Variants in LINGO2 observed in about 807,000 individuals in gnomAD.
The protein encoded by LINGO2 is leucine-rich repeat and immunoglobulin-like domain-containing nogo receptor-interacting protein 2.
LINGO2 carries 14 observed loss-of-function variants against 30.6 expected under a neutral mutation model. The observed-to-expected ratio is 0.46, with a 90% confidence interval of 0.30 to 0.72. The LOEUF (loss-of-function observed/expected upper bound fraction) is 0.72, where lower values mean the gene tolerates loss of function less well. Among genes scored for constraint, LINGO2 ranks in the 30% least tolerant of loss-of-function variants. LINGO2 has a pLI of 0.07. For missense variants in LINGO2, 729 were observed against 751.7 expected, an observed-to-expected ratio of 0.97 and a Z score of 0.35; for synonymous variants, 317 against 288.5, an observed-to-expected ratio of 1.10 and a Z score of -1.00.
chr9:28,057,645 G>GTATATACATATATATACACATA (rs1175498306), intron 4 of LINGO2, among the ~76,000 whole-genome samples: 4 of 94,408 alleles, frequency 4.2e-5, no homozygotes, highest in East Asian at 2.1e-4. Flanking sequence ...ATATAAACCT[G>GTATATACATATATATACACATA]TTCAAGTAAA....
At chr9:28,263,861 A>G (rs1000293720) in intron 4 of LINGO2, among the ~76,000 whole-genome samples, 1 of 151,992 alleles carries the variant, frequency 6.6e-6, no homozygotes, top group Non-Finnish European at 1.5e-5. Flanking sequence ...TTCAAAGTTG[A>G]TATCACTCTT....
chr9:28,292,263 T>A (rs1339621712), intron 4 of LINGO2, among the ~76,000 whole-genome samples: 1 of 152,130 alleles, frequency 6.6e-6, no homozygotes, highest in East Asian at 1.9e-4. Flanking sequence ...TTTTCTCACT[T>A]TCTCTCTGCC....
intron 4 of LINGO2, among the ~76,000 whole-genome samples, chr9:28,197,448 A>G (rs1222636977): frequency 6.6e-6 from 1 of 151,992 alleles, no homozygotes; most frequent in Non-Finnish European, 1.5e-5. Context: ...TATAATAAAG[A>G]TGGCATTTCA....
chr9:28,577,319 C>G (rs1395088752), intron 1 of LINGO2, among the ~76,000 whole-genome samples: 2 of 152,066 alleles, frequency 1.3e-5, no homozygotes, highest in Non-Finnish European at 2.9e-5. Flanking sequence ...TTTTGCATTT[C>G]TGAAACCAGA....
intron 2 of LINGO2, among the ~76,000 whole-genome samples, chr9:28,452,865 A>G (rs1824702198): frequency 6.6e-6 from 1 of 151,860 alleles, no homozygotes; most frequent in African/African-American, 2.4e-5. Context: ...GAGAGCAGTA[A>G]GAGTTAACAC....
intron 1 of LINGO2, chr9:28,599,412 T>C (rs748294031): frequency 2.6e-5 from 4 of 152,180 alleles, no homozygotes; most frequent in African/African-American, 4.8e-5. Context: ...ATTAGATATT[T>C]AAGTAAATGC....
intron 3 of LINGO2, among the ~76,000 whole-genome samples, chr9:28,333,803 A>G (rs189065306): frequency 3.9e-5 from 6 of 152,298 alleles, no homozygotes; most frequent in Non-Finnish European, 7.4e-5. Flanking sequence ...ATTGCTCCAA[A>G]TGACTTAAAA....
chr9:29,207,015 A>G, the LINGO2 span, among the ~76,000 whole-genome samples: 1 of 150,116 alleles, frequency 6.7e-6, no homozygotes, highest in Non-Finnish European at 1.5e-5. Context: ...ATCAGGCTAT[A>G]TGTGTGTGTG....
At chr9:28,220,988 T>C (rs1298930570) in intron 4 of LINGO2, among the ~76,000 whole-genome samples, 1 of 152,166 alleles carries the variant, frequency 6.6e-6, no homozygotes, top group African/African-American at 2.4e-5. Context: ...TTAATGACAA[T>C]ATATTGCATT....
chr9:27,978,406 G>A (rs949148697), intron 5 of LINGO2, among the ~76,000 whole-genome samples: 2 of 152,054 alleles, frequency 1.3e-5, no homozygotes, highest in Non-Finnish European at 2.9e-5. Context: ...CCAAGGTGAT[G>A]GCATTTGGAG....
At chr9:28,008,306 C>T (rs1438877814) in intron 5 of LINGO2, among the ~76,000 whole-genome samples, 1 of 152,086 alleles carries the variant, frequency 6.6e-6, no homozygotes, top group Non-Finnish European at 1.5e-5. Flanking sequence ...TAAAAATATA[C>T]ATCTATTTAC....
chr9:28,021,678 G>T (rs1823131326), intron 4 of LINGO2, among the ~76,000 whole-genome samples: 1 of 151,976 alleles, frequency 6.6e-6, no homozygotes, highest in Non-Finnish European at 1.5e-5. Flanking sequence ...TTGTGGTTAG[G>T]TACACATACA....
the LINGO2 span, among the ~76,000 whole-genome samples, chr9:28,746,842 G>A: frequency 6.6e-6 from 1 of 152,006 alleles, no homozygotes; most frequent in Admixed American, 6.5e-5. Context: ...TAGTTCCCAT[G>A]ACCTCGGAAA....
the LINGO2 span, among the ~76,000 whole-genome samples, chr9:28,768,728 A>T: frequency 6.6e-6 from 1 of 151,752 alleles, no homozygotes; most frequent in Non-Finnish European, 1.5e-5. Flanking sequence ...ATGTCATCTC[A>T]TGAGTTTATA....
chr9:29,131,633 C>A, the LINGO2 span, among the ~76,000 whole-genome samples: 3 of 152,022 alleles, frequency 2.0e-5, no homozygotes, highest in African/African-American at 4.8e-5. Context: ...GCTAAAATTC[C>A]AAGTACCATT....
At chr9:27,987,504 AC>A (rs897542945) in intron 5 of LINGO2, among the ~76,000 whole-genome samples, 2 of 151,734 alleles carry the variant, frequency 1.3e-5, no homozygotes, top group East Asian at 3.9e-4. Flanking sequence ...TAAGTACTGT[AC>A]CCCCCAAACA....
chr9:28,120,848 T>C (rs1197312835), intron 4 of LINGO2, among the ~76,000 whole-genome samples: 1 of 152,156 alleles, frequency 6.6e-6, no homozygotes, highest in South Asian at 2.1e-4. Context: ...GTACCTTTTG[T>C]GGTATTGCTT....
At chr9:28,360,009 G>C (rs1242306615) in intron 3 of LINGO2, among the ~76,000 whole-genome samples, 1 of 152,066 alleles carries the variant, frequency 6.6e-6, no homozygotes, top group East Asian at 1.9e-4. Context: ...TAATCTCTTT[G>C]AGCTTCAGTA....
At chr9:29,032,207 A>G in the LINGO2 span, among the ~76,000 whole-genome samples, 3 of 152,208 alleles carry the variant, frequency 2.0e-5, no homozygotes, top group Non-Finnish European at 2.9e-5. Context: ...TGGCTTATTT[A>G]AAGTTATCAG....
Sources: gnomAD v4.1 joint callset for allele counts (sites outside exome capture counted in the v4.1 genomes callset) on GRCh38, gnomAD v4.1.1 for gene constraint, MANE v1.5 for transcripts, NCBI Gene and HGNC (gene_info 2026-07-23, HGNC 2026-07-21) for gene names.